The following SELENOF variants were observed in gnomAD, a reference collection of about 807,000 sequenced individuals.
SELENOF encodes the protein 15 kDa selenoprotein.
In SELENOF, 16 loss-of-function variants were observed where a neutral mutation model predicts 20.5. The observed-to-expected ratio is 0.78, with a 90% CI of 0.53 to 1.19. The LOEUF (loss-of-function observed/expected upper bound fraction) is 1.19, where lower values mean the gene tolerates loss of function less well. Among genes scored for constraint, SELENOF ranks in the 50% most tolerant of loss-of-function variants. The pLI, the probability that SELENOF is intolerant of heterozygous loss-of-function variation, is 0.00. For missense variants in SELENOF, 215 were observed against 194.2 expected (o/e 1.11, Z -0.64); for synonymous variants, 78 against 74.5 (o/e 1.05, Z -0.24).
chr1:86,897,245 C>T (rs1475212612), intron 2 of SELENOF, among the ~76,000 whole-genome samples: 1 of 152,108 alleles, frequency 6.6e-6, no homozygotes, highest in African/African-American at 2.4e-5. Flanking sequence ...CGAGATGGCA[C>T]CATTGCACTC....
Position 86,863,509 on chromosome 1 carries a change from C to G in SELENOF, c.463G>C (p.Glu155Gln). 6.2e-7 allele frequency: 1 copy of G among 1,613,616 alleles called. No homozygotes were observed. Among genetic ancestry groups the G allele is most frequent in the African/African-American group, 1.3e-5 (1 of 75,050 alleles). ...SILKWNTDSV[E>Q]EFLSEKLERI is the part of the protein sequence containing the mutation. The stretch of plus-strand genomic sequence containing the variant: ...TCCAACTTTTCACTCAGGAATTCTT[C>G]TACACTGTCTGTGTTCCATTTGAGA... Residue 155 changes from glutamate to glutamine, a missense_variant, in exon 5 of 5, where the codon GAA becomes CAA. Glu to Gln is a conservative substitution (Grantham distance 29, BLOSUM62 2). Transcript: ENST00000331835.
chr1:86,887,336 C>CA, intron 2 of SELENOF: 2 of 1,007,198 alleles, frequency 2.0e-6, no homozygotes, highest in Non-Finnish European at 2.7e-6. Context: ...AAATACAAAG[C>CA]AATGAGTTTA....
At chr1:86,899,609 T>A (rs1659628099) in intron 2 of SELENOF, among the ~76,000 whole-genome samples, 1 of 147,452 alleles carries the variant, frequency 6.8e-6, no homozygotes, top group Non-Finnish European at 1.5e-5. Flanking sequence ...CCAACCTCCC[T>A]CCCAGACGGG....
intron 2 of SELENOF, among the ~76,000 whole-genome samples, chr1:86,901,678 A>G (rs1301128863): frequency 5.3e-5 from 8 of 152,266 alleles, no homozygotes; most frequent in Non-Finnish European, 1.0e-4. Context: ...GATACAACAT[A>G]TAGCTCCATT....
intron 2 of SELENOF, among the ~76,000 whole-genome samples, chr1:86,884,929 G>A (rs2102094947): frequency 6.6e-6 from 1 of 152,280 alleles, no homozygotes; most frequent in East Asian, 1.9e-4. Context: ...CTATTTCCAT[G>A]TAACTTATGA....
chr1:86,903,419 C>T lies in SELENOF; in HGVS notation c.114G>A (p.Ser38=), dbSNP rs967747988. The T allele has an allele frequency of 1.0e-5, 16 of 1,605,620 alleles. No individual in the cohort carries two copies. Among genetic ancestry groups the T allele is most frequent in the South Asian group, 3.4e-5 (3 of 89,188 alleles). ...AVSAFGAEFS[S]EACRELGFSS... ...AAAAGCCTAACTCTCTGCATGCCTCCGATGAAAACTCTGCCCCAAAAGCAG... is the reference window on the plus strand; with the variant it reads ...AAAAGCCTAACTCTCTGCATGCCTCTGATGAAAACTCTGCCCCAAAAGCAG... Residue 38 remains serine, a synonymous_variant, in exon 2 of 5, where the codon TCG becomes TCA. Transcript: ENST00000331835.
chr1:86,898,779 T>C (rs1659594286), intron 2 of SELENOF, among the ~76,000 whole-genome samples: 1 of 144,510 alleles, frequency 6.9e-6, no homozygotes, highest in South Asian at 2.1e-4. Flanking sequence ...TTTGTTTGTT[T>C]TTTTTAATTT....
intron 2 of SELENOF, among the ~76,000 whole-genome samples, chr1:86,900,256 T>C (rs969277079): frequency 1.2e-4 from 18 of 151,866 alleles, no homozygotes; most frequent in Non-Finnish European, 2.5e-4. Flanking sequence ...GTGGAGGTTG[T>C]AGCGAGCCGA....
chr1:86,914,194 C>A, upstream of SELENOF: 1 of 1,219,200 alleles, frequency 8.2e-7, no homozygotes, highest in South Asian at 1.2e-5. Context: ...AGAACGCTAA[C>A]GGCCGTTGCC....
At chr1:86,898,937 C>G (rs1312561689) in intron 2 of SELENOF, among the ~76,000 whole-genome samples, 4 of 151,638 alleles carry the variant, frequency 2.6e-5, no homozygotes, top group African/African-American at 7.3e-5. Flanking sequence ...TGAGGCCTTC[C>G]GCAGTGTTTG....
intron 2 of SELENOF, among the ~76,000 whole-genome samples, chr1:86,891,802 T>A (rs1380743540): frequency 6.6e-6 from 1 of 152,134 alleles, no homozygotes; most frequent in Non-Finnish European, 1.5e-5. Flanking sequence ...GAAATAAAGA[T>A]AATAATGGAA....
intron 2 of SELENOF, 122 bp downstream of exon 2, chr1:86,903,157 TGA>T: frequency 1.2e-6 from 1 of 800,934 alleles, no homozygotes; most frequent in Non-Finnish European, 1.9e-6. Context: ...AGAAATCAGT[TGA>T]GTTTTACTAA....
chr1:86,882,525 G>A (rs905499413), intron 2 of SELENOF, among the ~76,000 whole-genome samples: 1 of 151,090 alleles, frequency 6.6e-6, no homozygotes, highest in Non-Finnish European at 1.5e-5. Context: ...TGAGGATGTG[G>A]AGAAATTGGA....
Position 86,863,260 on chromosome 1 carries a change from A to C in SELENOF, c.*214T>G. The C allele has an allele frequency of 2.4e-6, 1 of 413,546 alleles. No individual in the cohort carries two copies. The highest frequency in any genetic ancestry group is 4.3e-6 in the Non-Finnish European group (1 of 233,412). The allele number at this position is 413,546 out of a possible 1,614,324, so 25.6% of individuals were successfully genotyped here. A position where few individuals can be genotyped will look rare whatever the true frequency, so the allele number is the denominator to read the frequency against. On this transcript the variant is annotated 3_prime_UTR_variant, in exon 5 of 5. Coordinates refer to ENST00000331835, the MANE Select transcript of SELENOF (RefSeq NM_004261.5). ...TTTTGTTAGTGGTATCAACAAATGC[A>C]GGAGGATGGACATTTATAAAAAATG...
At chr1:86,867,490 T>TCAACAA (rs71082044) in intron 4 of SELENOF, among the ~76,000 whole-genome samples, 8,467 of 147,722 alleles carry the variant, frequency 0.057, 302 homozygotes, top group African/African-American at 0.08. Flanking sequence ...AGACTCCGTC[T>TCAACAA]CAACAACAAC....
At chr1:86,914,365 C>T (rs965636278), upstream of SELENOF, 9 of 536,272 alleles carry the variant, frequency 1.7e-5, no homozygotes, top group Admixed American at 3.1e-5. Flanking sequence ...TTATTCACGA[C>T]ACTTCGTCAA....
chr1:86,888,563 C>T (rs1033242424), intron 2 of SELENOF, among the ~76,000 whole-genome samples: 10 of 152,228 alleles, frequency 6.6e-5, no homozygotes, highest in Middle Eastern at 3.4e-3. Context: ...TGTGAGCCAC[C>T]GTGCCCTGGC....
chr1:86,887,381 TTACTATACCATTA>T (rs1659247718), intron 2 of SELENOF, among the ~76,000 whole-genome samples: 1 of 152,192 alleles, frequency 6.6e-6, no homozygotes, highest in Admixed American at 6.5e-5. Context: ...AAAACTTATT[TTACTATACCATTA>T]AAGTGTTATT....
chr1:86,870,894 C>T (rs1658746681), intron 3 of SELENOF, among the ~76,000 whole-genome samples: 2 of 152,156 alleles, frequency 1.3e-5, no homozygotes, highest in Non-Finnish European at 2.9e-5. Flanking sequence ...GCTGGGATTA[C>T]AGGCGTGAGC....
Sources: gnomAD v4.1 joint callset for allele counts (sites outside exome capture counted in the v4.1 genomes callset) on GRCh38, gnomAD v4.1.1 for gene constraint, MANE v1.5 for transcripts, NCBI Gene and HGNC (gene_info 2026-07-23, HGNC 2026-07-21) for gene names.